STK3: variants seen among roughly 807,000 people sequenced by gnomAD.
STK3 encodes the protein serine/threonine-protein kinase 3.
Under a neutral mutation model 58.0 loss-of-function variants are expected in STK3, and 41 were observed. The observed-to-expected ratio is 0.71, with a 90% CI of 0.55 to 0.92. The LOEUF (loss-of-function observed/expected upper bound fraction) is 0.92. Among genes scored for constraint, STK3 ranks in the 40% least tolerant of loss-of-function variants. The pLI, the probability that STK3 is intolerant of heterozygous loss-of-function variation, is 0.00. For missense variants in STK3, 479 were observed against 602.7 expected (o/e 0.79, Z 2.15); for synonymous variants, 170 against 191.0 (o/e 0.89, Z 0.91).
At chr8:98,541,722 T>C (rs1244131250) in intron 9 of STK3, among the ~76,000 whole-genome samples, 2 of 152,218 alleles carry the variant, frequency 1.3e-5, no homozygotes, top group Admixed American at 1.3e-4. Context: ...TCTACAAGGG[T>C]ATCATGAAAG....
At chr8:98,938,715 C>T (rs1789173407) in intron 1 of STK3, among the ~76,000 whole-genome samples, 1 of 152,120 alleles carries the variant, frequency 6.6e-6, no homozygotes, top group Admixed American at 6.5e-5. Context: ...TTGACACTCC[C>T]TCACCCCCAG....
intron 6 of STK3, among the ~76,000 whole-genome samples, chr8:98,648,561 T>C (rs1263288564): frequency 6.6e-6 from 1 of 152,150 alleles, no homozygotes; most frequent in Non-Finnish European, 1.5e-5. Context: ...TTGCCACCAA[T>C]ATTGAGTGGA....
intron 3 of STK3, among the ~76,000 whole-genome samples, chr8:98,752,946 CAA>C (rs35305701): frequency 3.1e-5 from 4 of 128,298 alleles, no homozygotes; most frequent in Non-Finnish European, 3.3e-5. Context: ...ATTAAAAAGT[CAA>C]AAAAAAAAAA....
chr8:98,779,402 T>C (rs1327400762), intron 1 of STK3, among the ~76,000 whole-genome samples: 1 of 152,234 alleles, frequency 6.6e-6, no homozygotes, highest in African/African-American at 2.4e-5. Flanking sequence ...AGCATGTAAA[T>C]TCAGAGTCAG....
intron 1 of STK3, among the ~76,000 whole-genome samples, chr8:98,938,076 T>C (rs1040252709): frequency 6.6e-6 from 1 of 152,206 alleles, no homozygotes; most frequent in African/African-American, 2.4e-5. Flanking sequence ...TTTATGACTA[T>C]GGTCAGTATG....
intron 3 of STK3, among the ~76,000 whole-genome samples, chr8:98,410,442 A>C (rs1818042123): frequency 6.6e-6 from 1 of 152,226 alleles, no homozygotes; most frequent in East Asian, 1.9e-4. Context: ...TTTCATGAGC[A>C]CACGGTAAGA....
chr8:98,825,411 C>G, intron 1 of STK3, 104 bp downstream of exon 1: 1 of 1,111,896 alleles, frequency 9.0e-7, no homozygotes, highest in Non-Finnish European at 1.2e-6. Flanking sequence ...CGGCTCGGGG[C>G]CCGGCGGGCG....
At chr8:98,581,751 G>A (rs1039006621) in intron 7 of STK3, among the ~76,000 whole-genome samples, 1 of 151,800 alleles carries the variant, frequency 6.6e-6, no homozygotes, top group African/African-American at 2.4e-5. Flanking sequence ...GAGGGAAAAA[G>A]AAACCCCAGG....
intron 1 of STK3, among the ~76,000 whole-genome samples, chr8:98,901,284 C>T (rs1047378960): frequency 6.6e-6 from 1 of 152,208 alleles, no homozygotes; most frequent in Non-Finnish European, 1.5e-5. Flanking sequence ...TGAGGTAACA[C>T]TTGTAAAGCC....
At chr8:98,425,727 C>A (rs1041604028) in intron 3 of STK3, among the ~76,000 whole-genome samples, 1 of 152,190 alleles carries the variant, frequency 6.6e-6, no homozygotes, top group African/African-American at 2.4e-5. Flanking sequence ...TCCAAGGAGG[C>A]CCCAAGCCCT....
Position 98,633,616 on chromosome 8 carries a change from A to G in STK3, c.685-37447T>C. The G allele has an allele frequency of 4.0e-6, 3 of 742,178 alleles. No homozygotes were observed. The South Asian group carries it at 4.3e-5, about 11-fold the overall frequency. 46.0% of individuals were successfully genotyped at this position (742,178 alleles called of 1,614,324 possible). A position where few individuals can be genotyped will look rare whatever the true frequency, so the allele number is the denominator to read the frequency against. Reference sequence around the variant, plus strand: ...GCAGTCTCAGTCCATTTGCGGAGGAACATTGGTGTTACAGCAGTGGCGTTT... The same window carrying G: ...GCAGTCTCAGTCCATTTGCGGAGGAGCATTGGTGTTACAGCAGTGGCGTTT... On this transcript the variant is annotated intron_variant, in intron 6 of 10. Coordinates refer to ENST00000419617, the MANE Select transcript of STK3 (RefSeq NM_006281.4).
At chr8:98,690,774 A>T (rs1824347303) in intron 6 of STK3, among the ~76,000 whole-genome samples, 1 of 152,234 alleles carries the variant, frequency 6.6e-6, no homozygotes, top group African/African-American at 2.4e-5. Context: ...AGCCAGAGAC[A>T]TCAATTTACC....
chr8:98,851,777 A>G (rs1414801200), intron 3 of STK3, among the ~76,000 whole-genome samples: 2 of 152,200 alleles, frequency 1.3e-5, no homozygotes, highest in African/African-American at 4.8e-5. Context: ...CCTAGTCCAC[A>G]TATCAGGCTT....
chr8:98,416,660 C>T (rs1312633071), intron 3 of STK3, among the ~76,000 whole-genome samples: 1 of 152,164 alleles, frequency 6.6e-6, no homozygotes, highest in Non-Finnish European at 1.5e-5. Context: ...TACCTAGAGC[C>T]TCCGTCATTT....
chr8:98,540,242 G>A (rs935270648), intron 9 of STK3, among the ~76,000 whole-genome samples: 8 of 152,154 alleles, frequency 5.3e-5, no homozygotes, highest in African/African-American at 1.9e-4. Flanking sequence ...CTAAAAAGTG[G>A]TTATCTGTCC....
At chr8:98,384,027 T>A (rs1817765283) in intron 1 of STK3, among the ~76,000 whole-genome samples, 1 of 152,116 alleles carries the variant, frequency 6.6e-6, no homozygotes, top group Non-Finnish European at 1.5e-5. Context: ...GCCCAGCAAA[T>A]GAGGCAGGAG....
intron 10 of STK3, among the ~76,000 whole-genome samples, chr8:98,461,208 T>C (rs559290075): frequency 6.6e-6 from 1 of 152,352 alleles, no homozygotes; most frequent in East Asian, 1.9e-4. Flanking sequence ...TATCTTCTTG[T>C]TGGATTGATC....
chr8:98,586,298 T>C (rs1417821278), intron 7 of STK3, among the ~76,000 whole-genome samples: 2 of 152,198 alleles, frequency 1.3e-5, no homozygotes, highest in African/African-American at 2.4e-5. Flanking sequence ...TGAGAGTTTT[T>C]AGCATGAAGG....
chr8:98,617,733 G>A (rs1817883601), intron 6 of STK3, among the ~76,000 whole-genome samples: 1 of 151,466 alleles, frequency 6.6e-6, no homozygotes, highest in Non-Finnish European at 1.5e-5. Context: ...TACATTCCTT[G>A]ACACATACAC....
Sources: allele counts gnomAD v4.1 joint callset (sites outside exome capture counted in the v4.1 genomes callset), GRCh38; gene constraint gnomAD v4.1.1; transcripts MANE v1.5; gene names NCBI Gene and HGNC (gene_info 2026-07-23, HGNC 2026-07-21).